SMIM22: variants seen among roughly 807,000 people sequenced by gnomAD.
SMIM22 encodes small integral membrane protein 22.
A neutral mutation model predicts 8.4 loss-of-function variants in SMIM22; 16 were observed. The observed-to-expected ratio is 1.90, with a 90% confidence interval of 1.29 to 2.89. SMIM22 has a LOEUF of 2.89. SMIM22 is among the 30% of genes most tolerant of loss of function. SMIM22 has a pLI of 0.00. For missense variants in SMIM22, 159 were observed against 107.5 expected (o/e 1.48, Z -2.12); for synonymous variants, 67 against 47.6 (o/e 1.41, Z -1.68).
chr16:4,795,523 T>G, intron 1 of SMIM22, 74 bp downstream of exon 1: 1 of 656,994 alleles, frequency 1.5e-6, no homozygotes, highest in Admixed American at 3.2e-5. Context: ...GAGAAGGTTG[T>G]CAGGGTAAGG....
At chr16:4,794,091 A>G (rs1434499838), upstream of SMIM22, among the ~76,000 whole-genome samples, 1 of 151,426 alleles carries the variant, frequency 6.6e-6, no homozygotes, top group African/African-American at 2.4e-5. Flanking sequence ...GCCCGCCACC[A>G]CAGCGGGGTA....
chr16:4,790,971 G>A (rs886697093), upstream of SMIM22, among the ~76,000 whole-genome samples: 17 of 152,184 alleles, frequency 1.1e-4, no homozygotes, highest in African/African-American at 4.1e-4. Flanking sequence ...TTCAGCACGG[G>A]GGCCTCTCCC....
At position 4,795,821 on chromosome 16, in the gene SMIM22, G is replaced by C. The variant is rs867898221; in HGVS notation, c.87G>C (p.Trp29Cys). Reference protein sequence around the residue: ...LKSHQFFQSTWDTVAFIVFLT... With the variant: ...LKSHQFFQSTCDTVAFIVFLT... ...GCCACCAGTTTTTCCAGTCCACATG[G>C]GACACTGTTGCCTTCATTGTTTTCC... Residue 29 changes from tryptophan to cysteine, a missense_variant, in exon 2 of 4, where the codon TGG (tryptophan) becomes TGC (cysteine). Physicochemically the swap from Trp to Cys is radical, Grantham distance 215. Transcript: ENST00000586005. 1.2e-5 allele frequency: 19 copies of C among 1,535,942 alleles called. No homozygotes were observed. The Middle Eastern group carries it at 6.7e-4, about 54-fold the overall frequency.
upstream of SMIM22, among the ~76,000 whole-genome samples, chr16:4,790,972 G>A (rs1030992561): frequency 2.0e-5 from 3 of 152,172 alleles, no homozygotes; most frequent in East Asian, 1.9e-4. Context: ...TCAGCACGGG[G>A]GCCTCTCCCA....
At chr16:4,790,562 G>T (rs912002525), upstream of SMIM22, among the ~76,000 whole-genome samples, 4 of 152,176 alleles carry the variant, frequency 2.6e-5, no homozygotes, top group Non-Finnish European at 5.9e-5. Flanking sequence ...GGCCAAGGTG[G>T]GCAGATCACT....
At chr16:4,792,493 C>A (rs1422134307), upstream of SMIM22, among the ~76,000 whole-genome samples, 1 of 149,660 alleles carries the variant, frequency 6.7e-6, no homozygotes, top group Non-Finnish European at 1.5e-5. Context: ...CCTAGCCTCC[C>A]CTGCACTTTT....
chr16:4,788,650 G>A (rs1299278331), intron 1 of SMIM22: 3 of 152,324 alleles, frequency 2.0e-5, no homozygotes, highest in Middle Eastern at 3.4e-3. Context: ...TGTGTTTTAA[G>A]TTGCAGCGTC....
Position 4,795,979 on chromosome 16 carries a change from C to T in SMIM22, c.156C>T (p.Val52=), listed in dbSNP as rs527605118. The T allele has an allele frequency of 1.3e-5, 20 of 1,505,344 alleles. 1 individual carries two copies. The highest frequency in any genetic ancestry group is 1.2e-4 in the East Asian group (5 of 40,688). 93.2% of individuals were successfully genotyped at this position (1,505,344 alleles called of 1,614,324 possible). The part of the protein sequence containing the change: ...GTVLLLLLLV[V]AHCCCCSSPG... The stretch of plus-strand genomic sequence containing the variant: ...TGCTGCTCCTGCTGCTGCTGGTCGT[C>T]GCCCACTGCTGCTGCTGCAGCTCCC... The change falls in exon 3 of 4, where the codon GTC becomes GTT. Residue 52 remains valine (V), a synonymous_variant. Coordinates refer to ENST00000586005, the MANE Select transcript of SMIM22 (RefSeq NM_001253794.2).
rs1033808141 is a variant in SMIM22 at position 4,796,360 on chromosome 16, G to T, written c.*129G>T. The stretch of plus-strand genomic sequence containing the variant: ...GCCGCCCCACTCAGGTGGCCACCTG[G>T]CCTCTCCAAGCCTTCAGTCAGCACG... On this transcript the variant is annotated 3_prime_UTR_variant, in exon 4 of 4. Transcript: ENST00000586005. 4.0e-6 allele frequency: 4 copies of T among 1,011,652 alleles called. No individual in the cohort carries two copies. The highest frequency in any genetic ancestry group is 1.6e-5 in the African/African-American group (1 of 62,072). 62.7% of individuals were successfully genotyped at this position (1,011,652 alleles called of 1,614,324 possible). A position where few individuals can be genotyped will look rare whatever the true frequency, so the allele number is the denominator to read the frequency against.
At position 4,795,812 on chromosome 16, in the gene SMIM22, G is replaced by C. The variant is rs1197319237; in HGVS notation, c.78G>C (p.Gln26His). The C allele has an allele frequency of 7.2e-6, 11 of 1,535,858 alleles. No individual in the cohort carries two copies. The highest frequency in any genetic ancestry group is 9.6e-6 in the Non-Finnish European group (11 of 1,146,816). ...LGRLKSHQFFQSTWDTVAFIV... is the reference protein window; with the variant it reads ...LGRLKSHQFFHSTWDTVAFIV... ...GACTGAAGAGCCACCAGTTTTTCCA[G>C]TCCACATGGGACACTGTTGCCTTCA... Residue 26 changes from glutamine to histidine, a missense_variant, in exon 2 of 4, where the codon CAG (glutamine) becomes CAC (histidine). Physicochemically the swap from Gln to His is conservative, Grantham distance 24. Transcript: ENST00000586005.
Position 4,796,310 on chromosome 16 carries a change from C to A in SMIM22, c.*79C>A, listed in dbSNP as rs1468174118. ...TGAGTCTGCAGTGTCTTCCAGTCCC[C>A]GTCTGGGTGGGTGACGCGGGACTCG... On this transcript the variant is annotated 3_prime_UTR_variant, in exon 4 of 4. Coordinates refer to ENST00000586005, the MANE Select transcript of SMIM22 (RefSeq NM_001253794.2). The A allele has an allele frequency of 1.3e-6, 2 of 1,493,168 alleles. No individual in the cohort carries two copies. Among genetic ancestry groups the A allele is most frequent in the African/African-American group, 2.8e-5 (2 of 72,160 alleles). The allele number at this position is 1,493,168 out of a possible 1,614,324, so 92.5% of individuals were successfully genotyped here. A position where few individuals can be genotyped will look rare whatever the true frequency, so the allele number is the denominator to read the frequency against.
chr16:4,791,764 T>C (rs953090784), upstream of SMIM22, among the ~76,000 whole-genome samples: 2 of 152,150 alleles, frequency 1.3e-5, no homozygotes, highest in Non-Finnish European at 2.9e-5. Context: ...CTTGGCTCCC[T>C]GCAACCTCTG....
At position 4,795,814 on chromosome 16, in the gene SMIM22, C is replaced by T. The variant is rs1377094797; in HGVS notation, c.80C>T (p.Ser27Phe). ...CTGAAGAGCCACCAGTTTTTCCAGT[C>T]CACATGGGACACTGTTGCCTTCATT... ...GRLKSHQFFQ[S>F]TWDTVAFIVF... Residue 27 changes from serine (S) to phenylalanine (F), a missense_variant, in exon 2 of 4, where the codon TCC (serine) becomes TTC (phenylalanine). Transcript: ENST00000586005. 6.5e-7 allele frequency: 1 copy of T among 1,535,958 alleles called. No individual in the cohort carries two copies. Among genetic ancestry groups the T allele is most frequent in the Admixed American group, 2.0e-5 (1 of 50,996 alleles).
At chr16:4,793,506 C>G (rs891342517), upstream of SMIM22, among the ~76,000 whole-genome samples, 1 of 152,094 alleles carries the variant, frequency 6.6e-6, no homozygotes, top group Non-Finnish European at 1.5e-5. Context: ...GAGGAATAAA[C>G]CAGGTGACAC....
At chr16:4,793,437 C>T (rs1341514728), upstream of SMIM22, among the ~76,000 whole-genome samples, 2 of 152,136 alleles carry the variant, frequency 1.3e-5, no homozygotes, top group African/African-American at 2.4e-5. Flanking sequence ...CTTCTCTAGG[C>T]CTCCGTTTCC....
upstream of SMIM22, among the ~76,000 whole-genome samples, chr16:4,793,364 T>C (rs1181327604): frequency 1.3e-5 from 2 of 152,174 alleles, no homozygotes; most frequent in Non-Finnish European, 2.9e-5. Context: ...ACAGAGTTTG[T>C]GGTAGTGTTA....
At chr16:4,795,626 G>C in intron 1 of SMIM22, 89 bp from the exon 2 acceptor site, 1 of 1,440,024 alleles carries the variant, frequency 6.9e-7, no homozygotes, top group Admixed American at 2.4e-5. Context: ...GGCCAGGAGC[G>C]GGCAGTGGCT....
chr16:4,795,555 A>T, intron 1 of SMIM22, 106 bp downstream of exon 1: 1 of 847,156 alleles, frequency 1.2e-6, no homozygotes, highest in Non-Finnish European at 1.8e-6. Flanking sequence ...GGGCAAGGAG[A>T]GAAGCTGGGC....
rs546994812 is a variant in SMIM22 at position 4,795,721 on chromosome 16, C to T, written c.-14C>T. The T allele has an allele frequency of 3.4e-5, 52 of 1,534,866 alleles. No individual in the cohort carries two copies. Among genetic ancestry groups the T allele is most frequent in the African/African-American group, 2.6e-4 (19 of 73,098 alleles). ...CTCTGGGGGACCGGGGCAGGTGGCACGGTGCACGCCAAGATGGCTGTGTCC... is the reference window on the plus strand; with the variant it reads ...CTCTGGGGGACCGGGGCAGGTGGCATGGTGCACGCCAAGATGGCTGTGTCC... On this transcript the variant is annotated 5_prime_UTR_variant, in exon 2 of 4. The change creates a new upstream start codon in the 5' untranslated region. Coordinates refer to ENST00000586005, the MANE Select transcript of SMIM22 (RefSeq NM_001253794.2).
Sources: gnomAD v4.1 joint callset for allele counts (sites outside exome capture counted in the v4.1 genomes callset) on GRCh38, gnomAD v4.1.1 for gene constraint, MANE v1.5 for transcripts, NCBI Gene and HGNC (gene_info 2026-07-23, HGNC 2026-07-21) for gene names.